Variants in BMPER observed in about 807,000 individuals in gnomAD.
BMPER encodes BMP-binding endothelial regulator protein.
Under a neutral mutation model 87.3 loss-of-function variants are expected in BMPER, and 45 were observed. The ratio of observed to expected loss-of-function variants is 0.52; its 90% confidence interval spans 0.41 to 0.66. The LOEUF (loss-of-function observed/expected upper bound fraction) is 0.66. Ranked by LOEUF, BMPER falls within the 30% of genes least tolerant of loss-of-function variation. BMPER has a pLI of 0.00. For synonymous variants in BMPER, 326 were observed against 316.2 expected (o/e 1.03, Z -0.33); for missense variants, 784 against 867.5 (o/e 0.90, Z 1.21).
intron 13 of BMPER, among the ~76,000 whole-genome samples, chr7:34,093,746 GA>G (rs1357678518): frequency 1.3e-5 from 2 of 152,188 alleles, no homozygotes; most frequent in African/African-American, 4.8e-5. Context: ...GATGCAATTA[GA>G]AGGGACTTTT....
At chr7:34,019,553 C>T (rs1048950052) in intron 6 of BMPER, among the ~76,000 whole-genome samples, 1 of 152,042 alleles carries the variant, frequency 6.6e-6, no homozygotes, top group Non-Finnish European at 1.5e-5. Context: ...AGTTTGGTCT[C>T]CTCCTTGAAG....
chr7:34,136,145 G>A (rs142699130), intron 13 of BMPER, among the ~76,000 whole-genome samples: 3 of 152,288 alleles, frequency 2.0e-5, no homozygotes, highest in East Asian at 1.9e-4. Context: ...CAGGAAAGCC[G>A]TGGACAGAGC....
At position 34,153,225 on chromosome 7, in the gene BMPER, C is replaced by T; in HGVS notation, c.2010C>T (p.Val670=). The part of the protein sequence containing the change: ...VAGCHCPANL[V]LHKGRCIKPV... ...GGTGCCACTGTCCAGCAAACTTGGT[C>T]CTTCACAAGGGAAGGTGCATCAAGC... Residue 670 remains valine, a synonymous_variant, in exon 15 of 15, where the codon GTC becomes GTT. Coordinates refer to ENST00000649409, the MANE Select transcript of BMPER (RefSeq NM_001365308.1). The T allele has an allele frequency of 1.2e-6, 2 of 1,614,046 alleles. No homozygotes were observed. The highest frequency in any genetic ancestry group is 1.7e-6 in the Non-Finnish European group (2 of 1,179,986).
At chr7:34,062,105 A>T (rs1365054174) in intron 11 of BMPER, 58 bp downstream of exon 11, 1 of 1,500,622 alleles carries the variant, frequency 6.7e-7, no homozygotes, top group East Asian at 2.3e-5. Context: ...TTATAGTGCA[A>T]CAAGAAAAAT....
intron 14 of BMPER, among the ~76,000 whole-genome samples, chr7:34,150,407 G>T (rs1261963350): frequency 6.6e-6 from 1 of 152,094 alleles, no homozygotes; most frequent in African/African-American, 2.4e-5. Flanking sequence ...CCACCTTGAG[G>T]TGTCCTAATG....
At position 33,965,015 on chromosome 7, in the gene BMPER, C is replaced by T. The variant is rs79470215; in HGVS notation, c.320-1464C>T. Among the ~76,000 whole-genome samples, 881 of 152,170 alleles carry T rather than the reference C, an allele frequency of 5.8e-3. 13 individuals are homozygous for T. The highest frequency in any genetic ancestry group is 0.019 in the African/African-American group (805 of 41,524). ...GCACATGGCACGTCTCTTGTAAGCG[C>T]GTTTGTTCAGTAAGATTTATGCTAG... is the stretch of plus-strand genomic sequence containing the variant. On this transcript the variant is annotated intron_variant, in intron 3 of 14. Coordinates refer to ENST00000649409, the MANE Select transcript of BMPER (RefSeq NM_001365308.1).
At chr7:34,129,450 G>C (rs996246803) in intron 13 of BMPER, among the ~76,000 whole-genome samples, 3 of 151,578 alleles carry the variant, frequency 2.0e-5, no homozygotes, top group African/African-American at 7.3e-5. Flanking sequence ...GCAGTGAGCC[G>C]AGATTGTGCC....
intron 7 of BMPER, among the ~76,000 whole-genome samples, chr7:34,048,156 C>T (rs1788039195): frequency 6.6e-6 from 1 of 152,030 alleles, no homozygotes; most frequent in East Asian, 1.9e-4. Context: ...CTGAAACAAC[C>T]TGTTGATTTA....
chr7:34,088,223 G>C (rs566879631), intron 13 of BMPER, among the ~76,000 whole-genome samples: 1 of 152,192 alleles, frequency 6.6e-6, no homozygotes, highest in South Asian at 2.1e-4. Flanking sequence ...TCATGGTAGA[G>C]TGCCCTTCCA....
At chr7:33,969,098 T>G (rs1785473023) in intron 4 of BMPER, among the ~76,000 whole-genome samples, 1 of 152,204 alleles carries the variant, frequency 6.6e-6, no homozygotes, top group African/African-American at 2.4e-5. Flanking sequence ...TGACATGATA[T>G]GAAAACATTA....
At chr7:34,063,035 G>T (rs1788481624) in intron 11 of BMPER, among the ~76,000 whole-genome samples, 1 of 152,160 alleles carries the variant, frequency 6.6e-6, no homozygotes, top group Non-Finnish European at 1.5e-5. Context: ...CACATGCCTA[G>T]ATCTATTAGC....
At chr7:34,053,585 T>C (rs1053638778) in intron 8 of BMPER, among the ~76,000 whole-genome samples, 6 of 152,232 alleles carry the variant, frequency 3.9e-5, no homozygotes, top group African/African-American at 1.4e-4. Flanking sequence ...TATTACATAC[T>C]GTATTCTTAT....
chr7:34,033,601 C>A (rs1787585764), intron 6 of BMPER, among the ~76,000 whole-genome samples: 1 of 152,224 alleles, frequency 6.6e-6, no homozygotes, highest in Non-Finnish European at 1.5e-5. Flanking sequence ...TCTTTCTGAA[C>A]TTCTATGTCC....
At chr7:34,095,198 C>T (rs759051182) in intron 13 of BMPER, among the ~76,000 whole-genome samples, 3 of 152,136 alleles carry the variant, frequency 2.0e-5, no homozygotes, top group Non-Finnish European at 2.9e-5. Flanking sequence ...TCAACTCGCC[C>T]TCAGTGTGCT....
intron 6 of BMPER, among the ~76,000 whole-genome samples, chr7:34,009,836 T>A (rs1187396623): frequency 6.6e-6 from 1 of 151,998 alleles, no homozygotes; most frequent in Non-Finnish European, 1.5e-5. Context: ...ATCACTTTGC[T>A]TGTGTCTCTA....
rs377414630 is a variant in BMPER, at chr7:33,915,588, C to T, written c.219+8685C>T. The stretch of plus-strand genomic sequence containing the variant: ...TAGCTGTGCACCACTGAGCAGACAC[C>T]TTACCCTCTCTGAGCCTTCATTGTG... On this transcript the variant is annotated intron_variant, in intron 2 of 14. Coordinates refer to ENST00000649409, the MANE Select transcript of BMPER (RefSeq NM_001365308.1). Among the ~76,000 whole-genome samples the T allele has an allele frequency of 1.6e-4, 25 of 152,254 alleles. No homozygotes were observed. In the South Asian group the frequency reaches 4.8e-3, roughly 29 times the overall value.
At chr7:34,035,390 G>T (rs1039949132) in intron 6 of BMPER, among the ~76,000 whole-genome samples, 4 of 152,146 alleles carry the variant, frequency 2.6e-5, no homozygotes, top group African/African-American at 7.2e-5. Flanking sequence ...AATGTATATT[G>T]AAAGGGTGAA....
At chr7:33,910,264 G>A (rs1042644295) in intron 2 of BMPER, among the ~76,000 whole-genome samples, 3 of 152,212 alleles carry the variant, frequency 2.0e-5, no homozygotes, top group South Asian at 2.1e-4. Flanking sequence ...TACTGTTTTT[G>A]TATGATATTT....
intron 6 of BMPER, among the ~76,000 whole-genome samples, chr7:33,995,063 C>G (rs74768575): frequency 0.085 from 12,848 of 152,000 alleles, 539 homozygotes; most frequent in Middle Eastern, 0.12. Context: ...AAAATTTACT[C>G]TTTTTTGGGA....
Sources: allele counts gnomAD v4.1 joint callset (sites outside exome capture counted in the v4.1 genomes callset), GRCh38; gene constraint gnomAD v4.1.1; transcripts MANE v1.5; gene names NCBI Gene and HGNC (gene_info 2026-07-23, HGNC 2026-07-21).